Variants in SCIMP observed in about 807,000 individuals in gnomAD.
SCIMP encodes the protein SLP adaptor and CSK interacting membrane protein, also known as SLP adapter and CSK-interacting membrane protein.
In SCIMP, 18 loss-of-function variants were observed where a neutral mutation model predicts 22.0. The ratio of observed to expected loss-of-function variants is 0.82; its 90% CI spans 0.56 to 1.21. The LOEUF is 1.21. Among genes scored for constraint, SCIMP ranks in the 50% most tolerant of loss-of-function variants. The pLI is 0.00. For missense variants in SCIMP, 155 were observed against 171.2 expected, an observed-to-expected ratio of 0.91 and a Z score of 0.53; for synonymous variants, 53 against 62.2, an observed-to-expected ratio of 0.85 and a Z score of 0.70.
At chr17:5,214,205 G>A (rs2074547007) in intron 4 of SCIMP, 1 of 152,280 alleles carries the variant, frequency 6.6e-6, no homozygotes, top group Non-Finnish European at 1.5e-5. Flanking sequence ...ACAAATTTCT[G>A]TTGTGTAAGC....
intron 3 of SCIMP, among the ~76,000 whole-genome samples, chr17:5,215,769 C>T (rs979245032): frequency 2.0e-5 from 3 of 152,190 alleles, no homozygotes; most frequent in Non-Finnish European, 4.4e-5. Context: ...TTCAGAGCAA[C>T]ACTATTCATA....
At chr17:5,213,859 A>T (rs1567837553) in intron 4 of SCIMP, 1 of 152,146 alleles carries the variant, frequency 6.6e-6, no homozygotes, top group Non-Finnish European at 1.5e-5. Flanking sequence ...AAAATAAAAT[A>T]ATCAGGATGC....
chr17:5,210,868 T>G lies in SCIMP; in HGVS notation c.371A>C (p.Tyr124Ser). The G allele has an allele frequency of 3.1e-6, 5 of 1,614,134 alleles. No homozygotes were observed. Among genetic ancestry groups the G allele is most frequent in the Non-Finnish European group, 4.2e-6 (5 of 1,180,008 alleles). The change falls in exon 5 of 5, where the codon TAC becomes TCC. Residue 124 changes from tyrosine (Y) to serine (S), a missense_variant. Tyr to Ser is a moderately radical substitution (Grantham distance 144, BLOSUM62 -2). Transcript: ENST00000574081. ...KNKKTVSIPS[Y>S]IEPEDDYDDV... ...GTCATAGTCATCTTCAGGCTCAATG[T>G]AGCTTGGGATGGAAACAGTCTTCTT...
intron 1 of SCIMP, among the ~76,000 whole-genome samples, chr17:5,231,961 C>T (rs902827055): frequency 1.3e-5 from 2 of 152,068 alleles, no homozygotes; most frequent in Non-Finnish European, 2.9e-5. Flanking sequence ...GAGGCTGAGG[C>T]AGGAGAATGG....
intron 3 of SCIMP, among the ~76,000 whole-genome samples, chr17:5,218,343 T>C (rs577731779): frequency 2.0e-5 from 3 of 151,130 alleles, no homozygotes; most frequent in Non-Finnish European, 2.9e-5. Context: ...TTTTAGTTTT[T>C]TGCTTTTTTT....
intron 1 of SCIMP, among the ~76,000 whole-genome samples, chr17:5,224,193 G>A (rs2074630123): frequency 6.6e-6 from 1 of 152,140 alleles, no homozygotes; most frequent in Non-Finnish European, 1.5e-5. Context: ...GGAGTGCAGT[G>A]GCGCGATCTG....
At chr17:5,226,589 T>A (rs1341761757) in intron 1 of SCIMP, among the ~76,000 whole-genome samples, 1 of 148,648 alleles carries the variant, frequency 6.7e-6, no homozygotes, top group African/African-American at 2.5e-5. Context: ...CACTGCACCC[T>A]CCACCTCTCC....
intron 3 of SCIMP, among the ~76,000 whole-genome samples, chr17:5,217,414 GTTTTA>G (rs2074573303): frequency 6.7e-6 from 1 of 149,618 alleles, no homozygotes; most frequent in Admixed American, 6.7e-5. Context: ...GTGTGTGTTT[GTTTTA>G]TTATTATTAT....
At chr17:5,216,963 T>A (rs949016079) in intron 3 of SCIMP, among the ~76,000 whole-genome samples, 2 of 152,184 alleles carry the variant, frequency 1.3e-5, no homozygotes, top group Non-Finnish European at 2.9e-5. Flanking sequence ...TCCATCCCCC[T>A]AGGTACACTG....
Position 5,209,351 on chromosome 17 carries a change from C to G in SCIMP, c.*1450G>C, listed in dbSNP as rs1340386218. On this transcript the variant is annotated 3_prime_UTR_variant, in exon 5 of 5. Transcript: ENST00000574081. The stretch of plus-strand genomic sequence containing the variant: ...GTTTCTCCATGTTGGTCAGGCTGGT[C>G]TCGAACTCCCGACCTCAGGTGATCC... 6.6e-6 allele frequency: 1 copy of G among 152,168 alleles called. No homozygotes were observed. Among genetic ancestry groups the G allele is most frequent in the African/African-American group, 2.4e-5 (1 of 41,418 alleles). 9.4% of individuals were successfully genotyped at this position (152,168 alleles called of 1,614,324 possible). A position where few individuals can be genotyped will look rare whatever the true frequency, so the allele number is the denominator to read the frequency against.
chr17:5,209,262 G>C lies in SCIMP; in HGVS notation c.*1539C>G, dbSNP rs1210533034. On this transcript the variant is annotated 3_prime_UTR_variant, in exon 5 of 5. Transcript: ENST00000574081. ...CGATTCTTCTGCCTCAGCCTCCCAA[G>C]TAGCTGGGATTACAGGCATGCGCGA... 6.6e-6 allele frequency: 1 copy of C among 152,284 alleles called. No homozygotes were observed. The highest frequency in any genetic ancestry group is 1.9e-4 in the East Asian group (1 of 5,202). 9.4% of individuals were successfully genotyped at this position (152,284 alleles called of 1,614,324 possible).
chr17:5,217,780 T>G (rs1023446644), intron 3 of SCIMP, among the ~76,000 whole-genome samples: 4 of 152,084 alleles, frequency 2.6e-5, no homozygotes, highest in Admixed American at 1.3e-4. Flanking sequence ...CCATGGTGTA[T>G]GTGTGCCACA....
At chr17:5,226,896 C>T (rs566963433) in intron 1 of SCIMP, among the ~76,000 whole-genome samples, 2 of 152,162 alleles carry the variant, frequency 1.3e-5, no homozygotes, top group African/African-American at 4.8e-5. Context: ...ATCCTAGTTC[C>T]AGTAGGATGT....
At chr17:5,222,992 T>G (rs2074619638) in intron 2 of SCIMP, among the ~76,000 whole-genome samples, 1 of 152,074 alleles carries the variant, frequency 6.6e-6, no homozygotes, top group Non-Finnish European at 1.5e-5. Context: ...TCCATATACT[T>G]GTGTTCTCGC....
At chr17:5,220,182 G>A (rs73976325) in intron 3 of SCIMP, among the ~76,000 whole-genome samples, 23,392 of 151,958 alleles carry the variant, frequency 0.15, 2,057 homozygotes, top group African/African-American at 0.23. Context: ...TTTCTTCAGC[G>A]CAGTAGCTTT....
chr17:5,214,986 A>T lies in SCIMP; in HGVS notation c.222T>A (p.Asn74Lys). ...GAGGCGGTAATTGAACTGGCGACTCATTAAGAACATTCCTAGAGAGAGAGA... is the reference window on the plus strand; with the variant it reads ...GAGGCGGTAATTGAACTGGCGACTCTTTAAGAACATTCCTAGAGAGAGAGA... ...DEEKMYENVL[N>K]ESPVQLPPLP... The change falls in exon 4 of 5, where the codon AAT becomes AAA. Residue 74 changes from asparagine (N) to lysine (K), a missense_variant. Asn to Lys is a moderately conservative substitution (Grantham distance 94). Transcript: ENST00000574081. 6.2e-7 allele frequency: 1 copy of T among 1,608,396 alleles called. No individual in the cohort carries two copies. The highest frequency in any genetic ancestry group is 8.5e-7 in the Non-Finnish European group (1 of 1,174,804).
chr17:5,229,445 G>GTGC (rs2074676888), intron 1 of SCIMP, among the ~76,000 whole-genome samples: 1 of 132,582 alleles, frequency 7.5e-6, no homozygotes, highest in Non-Finnish European at 1.5e-5. Flanking sequence ...CCAGGCTGGA[G>GTGC]TGCAGTGGCG....
rs78015303 is a variant in SCIMP, at chr17:5,223,473, G to A, written c.22-17C>T. ...AGTGGAATCCTGAGAAGAATGGAGA[G>A]AGAAGAATGAGGTATGAATGAAAGA... is the stretch of plus-strand genomic sequence containing the variant. On this transcript the variant is annotated splice_polypyrimidine_tract_variant and intron_variant, in intron 1 of 4. Transcript: ENST00000574081. The A allele has an allele frequency of 0.079, 127,874 of 1,611,786 alleles. 5,574 individuals carry two copies. The highest frequency in any genetic ancestry group is 0.11 in the East Asian group (4,922 of 44,852).
chr17:5,221,222 G>T, intron 3 of SCIMP, 65 bp downstream of exon 3: 1 of 1,189,862 alleles, frequency 8.4e-7, no homozygotes, highest in East Asian at 2.3e-5. Flanking sequence ...GTAGTGGAGG[G>T]GCAAGGGTGG....
Sources: gnomAD v4.1 joint callset for allele counts (sites outside exome capture counted in the v4.1 genomes callset) on GRCh38, gnomAD v4.1.1 for gene constraint, MANE v1.5 for transcripts, NCBI Gene and HGNC (gene_info 2026-07-23, HGNC 2026-07-21) for gene names.